Variants in DLG5 observed in about 807,000 individuals in gnomAD.
DLG5 encodes discs large MAGUK scaffold protein 5.
In DLG5, 48 loss-of-function variants were observed where a neutral mutation model predicts 189.8. The ratio of observed to expected loss-of-function variants is 0.25; its 90% CI spans 0.20 to 0.32. The LOEUF is 0.32. DLG5 is among the 10% of genes least tolerant of loss of function. DLG5 has a pLI of 1.00. For synonymous variants in DLG5, 1,016 were observed against 1,054.1 expected, an observed-to-expected ratio of 0.96 and a Z score of 0.70; for missense variants, 2,160 against 2,544.7, an observed-to-expected ratio of 0.85 and a Z score of 3.25.
intron 1 of DLG5, among the ~76,000 whole-genome samples, chr10:77,870,458 A>G (rs926220919): frequency 1.3e-5 from 2 of 152,168 alleles, no homozygotes; most frequent in Non-Finnish European, 2.9e-5. Flanking sequence ...CAAGGTGGGC[A>G]GATTGCTTCA....
At chr10:77,832,184 G>A (rs1564526753) in intron 9 of DLG5, among the ~76,000 whole-genome samples, 1 of 151,844 alleles carries the variant, frequency 6.6e-6, no homozygotes, top group African/African-American at 2.4e-5. Flanking sequence ...CTCTAGCCTG[G>A]GCATCTCAAA....
At chr10:77,814,472 T>TATATATAG (rs1841946159) in intron 20 of DLG5, among the ~76,000 whole-genome samples, 1 of 94,604 alleles carries the variant, frequency 1.1e-5, no homozygotes, top group Non-Finnish European at 1.8e-5. Context: ...TATATATATA[T>TATATATAG]ATATATATAT....
At position 77,806,831 on chromosome 10, in the gene DLG5, C is replaced by T. The variant is rs1841501250; in HGVS notation, c.4894G>A (p.Gly1632Arg). The change falls in exon 26 of 32, where the codon GGG becomes AGG. Residue 1632 changes from glycine to arginine, a missense_variant. Gly to Arg is a moderately radical substitution (Grantham distance 125). Around this residue, in one of 5 missense-constraint regions of DLG5, gnomAD observed 574 missense variants for 644.2 expected, o/e 0.89. Coordinates refer to ENST00000372391, the MANE Select transcript of DLG5 (RefSeq NM_004747.4). ...VDDTLPQGTF[G>R]SWMAWQLDEN... The stretch of plus-strand genomic sequence containing the variant: ...TCCAGCTGCCAAGCCATCCAGGACC[C>T]GAACGTGCCCTGGGGTAAGGTGTCA... 1.9e-6 allele frequency: 3 copies of T among 1,614,106 alleles called. No individual in the cohort carries two copies. The highest frequency in any genetic ancestry group is 2.5e-6 in the Non-Finnish European group (3 of 1,179,990).
At chr10:77,815,336 C>T (rs1841997815) in intron 20 of DLG5, among the ~76,000 whole-genome samples, 1 of 152,168 alleles carries the variant, frequency 6.6e-6, no homozygotes, top group Non-Finnish European at 1.5e-5. Flanking sequence ...GGTTGGTTGC[C>T]TTTTAAGTTC....
rs751898299 is a variant in DLG5 at position 77,830,707 on chromosome 10, GAGA to G, written c.1881+31_1881+33del. On this transcript the variant is annotated intron_variant, in intron 10 of 31. Transcript: ENST00000372391. Reference sequence around the variant, plus strand: ...TCACCGTCTCCTCCTTCATCCATCAGAGAAGGAGAGAAGAACCATCAGAGGCAG... The same window carrying G: ...TCACCGTCTCCTCCTTCATCCATCAGAGGAGAGAAGAACCATCAGAGGCAG... 9.3e-6 allele frequency: 15 copies of G among 1,610,176 alleles called. No individual in the cohort carries two copies. In the East Asian group the frequency reaches 1.6e-4, roughly 17 times the overall value.
intron 1 of DLG5, among the ~76,000 whole-genome samples, chr10:77,887,431 G>A (rs1255476354): frequency 3.3e-5 from 5 of 150,728 alleles, no homozygotes; most frequent in African/African-American, 1.2e-4. Context: ...ACACTTCAGG[G>A]GAACACTGAC....
In DLG5 at chr10:77,824,482, G is replaced by C. The variant is rs1446002546; in HGVS notation, c.2290-6C>G. The C allele has an allele frequency of 6.2e-7, 1 of 1,612,064 alleles. No homozygotes were observed. Among genetic ancestry groups the C allele is most frequent in the Admixed American group, 1.7e-5 (1 of 60,018 alleles). Reference sequence around the variant, plus strand: ...TCCAGTGCAATGCCATTGATCTAGAGCAGGACAGAGAGCATGTCAGGCCAC... The same window carrying C: ...TCCAGTGCAATGCCATTGATCTAGACCAGGACAGAGAGCATGTCAGGCCAC... On this transcript the variant is annotated splice_polypyrimidine_tract_variant and splice_region_variant and intron_variant, in intron 13 of 31. Transcript: ENST00000372391.
intron 2 of DLG5, among the ~76,000 whole-genome samples, chr10:77,857,099 C>G (rs1844272515): frequency 6.6e-6 from 1 of 152,116 alleles, no homozygotes; most frequent in African/African-American, 2.4e-5. Flanking sequence ...GCTCCAGCAT[C>G]CAAGCACTCA....
chr10:77,905,718 T>C (rs1432734219), intron 1 of DLG5, among the ~76,000 whole-genome samples: 1 of 152,150 alleles, frequency 6.6e-6, no homozygotes, highest in Non-Finnish European at 1.5e-5. Context: ...GCCAAGACCC[T>C]CCCCTCAAAG....
chr10:77,836,141 T>C (rs1296736105), intron 7 of DLG5, among the ~76,000 whole-genome samples: 1 of 152,108 alleles, frequency 6.6e-6, no homozygotes, highest in Admixed American at 6.5e-5. Flanking sequence ...TGTGATCCTA[T>C]AATCTGGCAT....
chr10:77,845,001 G>C (rs111959566), intron 5 of DLG5, among the ~76,000 whole-genome samples: 7 of 152,216 alleles, frequency 4.6e-5, no homozygotes, highest in South Asian at 2.1e-4. Flanking sequence ...AGAAGTGGGT[G>C]TGGGCATGGG....
At chr10:77,935,725 A>C in the DLG5 span, among the ~76,000 whole-genome samples, 1 of 152,182 alleles carries the variant, frequency 6.6e-6, no homozygotes, top group Non-Finnish European at 1.5e-5. Context: ...TGAGCAGGAG[A>C]GGAACCATTT....
intron 29 of DLG5, among the ~76,000 whole-genome samples, chr10:77,795,802 C>G (rs1340287731): frequency 6.6e-6 from 1 of 152,120 alleles, no homozygotes; most frequent in African/African-American, 2.4e-5. Flanking sequence ...GAGATGAGAC[C>G]CCCCGCACCT....
At chr10:77,794,235 C>T (rs1840789235) in intron 30 of DLG5, 118 bp from the exon 31 acceptor site, 2 of 797,128 alleles carry the variant, frequency 2.5e-6, no homozygotes, top group South Asian at 3.1e-5. Flanking sequence ...GAGGGAGGCC[C>T]CATGTGCTCC....
At chr10:77,920,811 G>A (rs1230632372) in intron 1 of DLG5, among the ~76,000 whole-genome samples, 3 of 152,154 alleles carry the variant, frequency 2.0e-5, no homozygotes, top group African/African-American at 4.8e-5. Flanking sequence ...CCACAGCATC[G>A]ATCCAAGAGG....
At chr10:77,919,450 AGTCTCCC>A in intron 1 of DLG5, among the ~76,000 whole-genome samples, 1 of 151,952 alleles carries the variant, frequency 6.6e-6, no homozygotes, top group South Asian at 2.1e-4. Context: ...GGAATGAGCA[AGTCTCCC>A]GTCAATGCTC....
intron 4 of DLG5, 53 bp from the exon 5 acceptor site, chr10:77,853,590 C>A: frequency 6.9e-7 from 1 of 1,450,032 alleles, no homozygotes; most frequent in South Asian, 1.4e-5. Flanking sequence ...TCACACCCCG[C>A]CCCACCCCAG....
intron 10 of DLG5, 70 bp downstream of exon 10, chr10:77,830,671 C>T: frequency 6.3e-7 from 1 of 1,581,242 alleles, no homozygotes. Flanking sequence ...CTGGGAGATA[C>T]TGCAAGCGGG....
At chr10:77,802,359 G>A (rs984211177) in intron 27 of DLG5, among the ~76,000 whole-genome samples, 4 of 152,126 alleles carry the variant, frequency 2.6e-5, no homozygotes, top group Admixed American at 2.0e-4. Context: ...CTCCAAAAAC[G>A]ATATTAAAAT....
Sources: gnomAD v4.1 joint callset for allele counts (sites outside exome capture counted in the v4.1 genomes callset) on GRCh38, gnomAD v4.1.1 for gene constraint, gnomAD v4.1.1 regional missense constraint, MANE v1.5 for transcripts, NCBI Gene and HGNC (gene_info 2026-07-23, HGNC 2026-07-21) for gene names.